Variants in AKAP9 observed in about 807,000 individuals in gnomAD.
AKAP9 encodes A-kinase anchor protein 9.
AKAP9 carries 311 observed loss-of-function variants against 488.5 expected under a neutral mutation model. The observed-to-expected ratio is 0.64, with a 90% CI of 0.58 to 0.70. The LOEUF (loss-of-function observed/expected upper bound fraction) is 0.70, where lower values mean the gene tolerates loss of function less well. Ranked by LOEUF, AKAP9 falls within the 30% of genes least tolerant of loss-of-function variation. The pLI, the probability that AKAP9 is intolerant of heterozygous loss-of-function variation, is 0.00. For synonymous variants in AKAP9, 1,462 were observed against 1,483.5 expected, an observed-to-expected ratio of 0.99 and a Z score of 0.33; for missense variants, 4,215 against 4,374.5, an observed-to-expected ratio of 0.96 and a Z score of 1.03.
chr7:92,066,483 A>T lies in AKAP9; in HGVS notation c.6267A>T (p.Lys2089Asn), dbSNP rs754713013. The T allele has an allele frequency of 1.2e-6, 2 of 1,613,580 alleles. No homozygotes were observed. The highest frequency in any genetic ancestry group is 1.7e-6 in the Non-Finnish European group (2 of 1,179,636). Residue 2089 changes from lysine (K) to asparagine (N), a missense_variant, in exon 26 of 50, where the codon AAA becomes AAT. Lys to Asn is a moderately conservative substitution (Grantham distance 94). This residue lies in a region of AKAP9 where 2,361 missense variants were observed against 2,430.0 expected (regional missense o/e 0.97). Transcript: ENST00000356239. ...ERDVFQQEIQ[K>N]LEQQLKVVPR... ...ATGTATTCCAACAGGAAATACAGAA[A>T]CTAGAACAGCAACTTAAGGTTGTTC... is the stretch of plus-strand genomic sequence containing the variant.
chr7:92,077,987 A>T (rs978019321), intron 30 of AKAP9, 112 bp downstream of exon 30: 2 of 658,688 alleles, frequency 3.0e-6, no homozygotes, highest in Non-Finnish European at 4.5e-6. Context: ...ATTTTATTTT[A>T]TTTTATTTTA....
chr7:92,094,156 T>G (rs1434197307), intron 39 of AKAP9, among the ~76,000 whole-genome samples: 3 of 151,844 alleles, frequency 2.0e-5, no homozygotes, highest in African/African-American at 7.3e-5. Flanking sequence ...CAGCCAAAAT[T>G]TTTATTAATA....
intron 21 of AKAP9, among the ~76,000 whole-genome samples, chr7:92,047,726 GTTAT>G (rs1807247832): frequency 6.6e-6 from 1 of 152,104 alleles, no homozygotes; most frequent in South Asian, 2.1e-4. Flanking sequence ...TAAAATTTTA[GTTAT>G]TTAACTGTTG....
Position 91,995,452 on chromosome 7 carries a change from A to G in AKAP9, c.733-151A>G, listed in dbSNP as rs1299562221. On this transcript the variant is annotated intron_variant, in intron 6 of 49. Coordinates refer to ENST00000356239, the MANE Select transcript of AKAP9 (RefSeq NM_005751.5). Reference sequence around the variant, plus strand: ...ATAAGTTTATTGGCTCGGCTTGGGTATACCTATCTAGTCAGCCAAGGTAGC... The same window carrying G: ...ATAAGTTTATTGGCTCGGCTTGGGTGTACCTATCTAGTCAGCCAAGGTAGC... 6 of 650,666 alleles carry G rather than the reference A, an allele frequency of 9.2e-6. No individual in the cohort carries two copies. In the South Asian group the frequency reaches 9.8e-5, roughly 11 times the overall value. The allele number at this position is 650,666 out of a possible 1,614,324, so 40.3% of individuals were successfully genotyped here.
intron 3 of AKAP9, among the ~76,000 whole-genome samples, chr7:91,989,189 A>G (rs1224919878): frequency 6.6e-6 from 1 of 152,140 alleles, no homozygotes; most frequent in Non-Finnish European, 1.5e-5. Flanking sequence ...ATTTGATTAG[A>G]ACTTAATTTG....
chr7:91,946,074 C>T (rs1374101372), intron 1 of AKAP9, among the ~76,000 whole-genome samples: 1 of 151,988 alleles, frequency 6.6e-6, no homozygotes, highest in Non-Finnish European at 1.5e-5. Context: ...AGAGTAGTTC[C>T]AATTGTGTAC....
At chr7:92,024,913 C>T (rs1397464472) in intron 14 of AKAP9, among the ~76,000 whole-genome samples, 1 of 152,168 alleles carries the variant, frequency 6.6e-6, no homozygotes, top group Non-Finnish European at 1.5e-5. Context: ...CCTTATAAAG[C>T]TTCCATTTTC....
At chr7:92,003,503 CAA>C (rs889502559) in intron 8 of AKAP9, among the ~76,000 whole-genome samples, 9 of 151,770 alleles carry the variant, frequency 5.9e-5, no homozygotes, top group Non-Finnish European at 1.0e-4. Flanking sequence ...TTTGGAAAGA[CAA>C]GAGTTTGTAT....
chr7:92,045,940 TCTC>T (rs1249184536), intron 21 of AKAP9, among the ~76,000 whole-genome samples: 1 of 151,092 alleles, frequency 6.6e-6, no homozygotes, highest in Non-Finnish European at 1.5e-5. Flanking sequence ...TTCAAGCAAT[TCTC>T]CTGCCTCAGC....
At chr7:92,076,588 A>C (rs751733612) in intron 28 of AKAP9, among the ~76,000 whole-genome samples, 1 of 152,162 alleles carries the variant, frequency 6.6e-6, no homozygotes, top group Admixed American at 6.5e-5. Flanking sequence ...AGAAGAGACT[A>C]AGGTAGGAAA....
chr7:92,037,339 A>G (rs899489059), intron 16 of AKAP9, among the ~76,000 whole-genome samples: 3 of 152,196 alleles, frequency 2.0e-5, no homozygotes, highest in Admixed American at 1.3e-4. Context: ...GGTGGGAATC[A>G]GGACCCCAGA....
chr7:91,985,953 C>T (rs1256293532), intron 3 of AKAP9, among the ~76,000 whole-genome samples: 1 of 152,248 alleles, frequency 6.6e-6, no homozygotes, highest in East Asian at 1.9e-4. Flanking sequence ...AGCCAATTCC[C>T]CCTTTTTCTA....
rs1325565498 is a variant in AKAP9, at chr7:92,045,280, A to C, written c.5368+67A>C. 26 of 1,470,738 alleles carry C rather than the reference A, an allele frequency of 1.8e-5. No individual in the cohort carries two copies. The Admixed American group carries it at 4.4e-4, about 25-fold the overall frequency. The allele number at this position is 1,470,738 out of a possible 1,614,324, so 91.1% of individuals were successfully genotyped here. A position where few individuals can be genotyped will look rare whatever the true frequency, so the allele number is the denominator to read the frequency against. On this transcript the variant is annotated intron_variant, in intron 21 of 49. Coordinates refer to ENST00000356239, the MANE Select transcript of AKAP9 (RefSeq NM_005751.5). ...TCTGCTGAGTTCAAGGCATTTTGCC[A>C]TGTGTTGAAAATATAGAAGAGAAAA... is the stretch of plus-strand genomic sequence containing the variant.
chr7:92,061,631 AAG>A (rs1809864893), intron 23 of AKAP9, among the ~76,000 whole-genome samples: 3 of 123,872 alleles, frequency 2.4e-5, no homozygotes, highest in East Asian at 2.7e-4. Context: ...AAATTATAAA[AAG>A]AATTTATAGA....
chr7:91,958,070 A>G (rs1012394834), intron 1 of AKAP9, among the ~76,000 whole-genome samples: 2 of 152,164 alleles, frequency 1.3e-5, no homozygotes, highest in Non-Finnish European at 2.9e-5. Flanking sequence ...ACTGATATTC[A>G]TGTGTTTATT....
intron 1 of AKAP9, among the ~76,000 whole-genome samples, chr7:91,955,496 A>G (rs754643655): frequency 3.9e-5 from 6 of 152,180 alleles, no homozygotes; most frequent in Non-Finnish European, 7.4e-5. Context: ...CACATACAAC[A>G]TACTAGTTTT....
chr7:92,007,230 C>T (rs1040118387), intron 8 of AKAP9, among the ~76,000 whole-genome samples: 8 of 147,670 alleles, frequency 5.4e-5, no homozygotes, highest in African/African-American at 2.0e-4. Flanking sequence ...ACTTAATTGT[C>T]ATAATTCCCA....
rs1466654912 is a variant in AKAP9 at position 92,062,150 on chromosome 7, C to G, written c.5765-124C>G. On this transcript the variant is annotated intron_variant, in intron 23 of 49. Coordinates refer to ENST00000356239, the MANE Select transcript of AKAP9 (RefSeq NM_005751.5). ...TGATGAGCAGCAAATTCATTCAAGA[C>G]TTTTAATAGGTTGGAATGATGGAAA... is the stretch of plus-strand genomic sequence containing the variant. The G allele has an allele frequency of 7.1e-6, 6 of 843,904 alleles. No individual in the cohort carries two copies. In the African/African-American group the frequency reaches 1.0e-4, roughly 15 times the overall value. The allele number at this position is 843,904 out of a possible 1,614,324, so 52.3% of individuals were successfully genotyped here.
intron 17 of AKAP9, 43 bp downstream of exon 17, chr7:92,038,815 G>GTGAA: frequency 7.3e-7 from 1 of 1,374,928 alleles, no homozygotes; most frequent in Non-Finnish European, 1.0e-6. Context: ...TTTAAAAATT[G>GTGAA]TGAATTCTTT....
Sources: allele counts gnomAD v4.1 joint callset (sites outside exome capture counted in the v4.1 genomes callset), GRCh38; gene constraint gnomAD v4.1.1; regional missense constraint gnomAD v4.1.1; transcripts MANE v1.5; gene names NCBI Gene and HGNC (gene_info 2026-07-23, HGNC 2026-07-21).